MIER2: variants seen among roughly 807,000 people sequenced by gnomAD.
The protein encoded by MIER2 is MIER family member 2.
In MIER2, 30 loss-of-function variants were observed where a neutral mutation model predicts 67.6. The observed-to-expected ratio is 0.44, with a 90% CI of 0.33 to 0.60. The LOEUF (loss-of-function observed/expected upper bound fraction) is 0.60, where lower values mean the gene tolerates loss of function less well. Ranked by LOEUF, MIER2 falls within the 20% of genes least tolerant of loss-of-function variation. MIER2 has a pLI of 0.02. For synonymous variants in MIER2, 372 were observed against 312.6 expected, an observed-to-expected ratio of 1.19 and a Z score of -2.00; for missense variants, 702 against 745.1, an observed-to-expected ratio of 0.94 and a Z score of 0.67.
chr19:336,143 C>T lies in MIER2; in HGVS notation c.40G>A (p.Val14Met), dbSNP rs1487011872. Reference protein sequence around the residue: ...ASSLGRQSPRVVSCLEHSLCP... With the variant: ...ASSLGRQSPRMVSCLEHSLCP... Reference sequence around the variant, plus strand: ...AGGCTGTGCTCGAGGCAGGAGACCACGCGAGGACTCTGCCTCCCCAGCGAG... The same window carrying T: ...AGGCTGTGCTCGAGGCAGGAGACCATGCGAGGACTCTGCCTCCCCAGCGAG... Residue 14 changes from valine to methionine, a missense_variant, in exon 2 of 14, where the codon GTG (valine) becomes ATG (methionine). Coordinates refer to ENST00000264819, the MANE Select transcript of MIER2 (RefSeq NM_017550.3). 6.8e-6 allele frequency: 11 copies of T among 1,613,424 alleles called. No individual in the cohort carries two copies. The highest frequency in any genetic ancestry group is 1.7e-5 in the Admixed American group (1 of 60,004).
Position 320,852 on chromosome 19 carries a change from G to A in MIER2, c.655+4783C>T, listed in dbSNP as rs117038033. 7.9e-3 allele frequency among the ~76,000 whole-genome samples: 1,208 copies of A among 152,316 alleles called. 9 individuals are homozygous for A. The highest frequency in any genetic ancestry group is 0.013 in the Non-Finnish European group (863 of 68,024). ...GTGGATTCACTAACACTGAACTCAC[G>A]GCCAGCAGCCCCAGAGCTTGCGCCT... On this transcript the variant is annotated intron_variant, in intron 7 of 13. Coordinates refer to ENST00000264819, the MANE Select transcript of MIER2 (RefSeq NM_017550.3).
intron 7 of MIER2, among the ~76,000 whole-genome samples, chr19:320,376 T>C (rs2145425401): frequency 6.6e-6 from 1 of 151,072 alleles, no homozygotes; most frequent in Non-Finnish European, 1.5e-5. Context: ...CAAGACTTTG[T>C]CCAAAAAACT....
intron 3 of MIER2, 119 bp downstream of exon 3, chr19:334,281 T>C (rs1600167448): frequency 1.8e-5 from 26 of 1,433,678 alleles, no homozygotes; most frequent in South Asian, 9.1e-5. Flanking sequence ...ATCTGGCACT[T>C]TGCAAAAAGA....
intron 7 of MIER2, among the ~76,000 whole-genome samples, chr19:321,877 AC>A (rs1220571795): frequency 5.9e-5 from 9 of 151,846 alleles, no homozygotes; most frequent in Admixed American, 3.9e-4. Context: ...GAGACAATGG[AC>A]TTTTGTTGTT....
chr19:338,779 A>C (rs1185674749), intron 1 of MIER2, among the ~76,000 whole-genome samples: 2 of 152,198 alleles, frequency 1.3e-5, no homozygotes, highest in Non-Finnish European at 2.9e-5. Context: ...GATTTCCACA[A>C]AGGTATCAAA....
intron 7 of MIER2, among the ~76,000 whole-genome samples, chr19:314,522 CT>C (rs1184010033): frequency 6.6e-6 from 1 of 152,174 alleles, no homozygotes; most frequent in East Asian, 1.9e-4. Flanking sequence ...GAAAAACGCA[CT>C]GGGGAAAACA....
intron 4 of MIER2, 90 bp downstream of exon 4, chr19:327,774 C>A: frequency 6.5e-7 from 1 of 1,544,562 alleles, no homozygotes; most frequent in Non-Finnish European, 8.7e-7. Flanking sequence ...TTTGTGCCTC[C>A]TCTCACTGAA....
intron 7 of MIER2, among the ~76,000 whole-genome samples, chr19:315,320 G>A (rs190090414): frequency 2.3e-3 from 351 of 152,296 alleles, no homozygotes; most frequent in African/African-American, 7.5e-3. Context: ...AGCCAAGATC[G>A]CGCCACTGCA....
At chr19:311,154 G>A (rs1000457088) in intron 10 of MIER2, among the ~76,000 whole-genome samples, 3 of 152,248 alleles carry the variant, frequency 2.0e-5, no homozygotes, top group Admixed American at 2.0e-4. Flanking sequence ...TCGGCAACAA[G>A]GCCACAGCCC....
rs1233934281 is a variant in MIER2 at position 308,718 on chromosome 19, C to T, written c.1110-53G>A. The T allele has an allele frequency of 6.3e-7, 1 of 1,594,668 alleles. No homozygotes were observed. The highest frequency in any genetic ancestry group is 8.6e-7 in the Non-Finnish European group (1 of 1,169,252). On this transcript the variant is annotated intron_variant, in intron 11 of 13. Transcript: ENST00000264819. The surrounding 1 kb of genome is among the most constrained non-coding windows in gnomAD (Gnocchi z 9.1). ...GGCAGACAGGACAGACGCCCCCACCCAAGAGGTGCCGCCCAGGCGCCCACG... is the reference window on the plus strand; with the variant it reads ...GGCAGACAGGACAGACGCCCCCACCTAAGAGGTGCCGCCCAGGCGCCCACG...
intron 7 of MIER2, among the ~76,000 whole-genome samples, chr19:316,542 G>T (rs566676534): frequency 2.6e-5 from 4 of 152,110 alleles, no homozygotes; most frequent in Non-Finnish European, 4.4e-5. Context: ...TGCCTGCCTC[G>T]GCCTCCCAAA....
chr19:335,455 G>A (rs1972200517), intron 2 of MIER2, among the ~76,000 whole-genome samples: 1 of 152,242 alleles, frequency 6.6e-6, no homozygotes, highest in Admixed American at 6.5e-5. Context: ...CGCACCCTTG[G>A]AGGAGCCACG....
At chr19:311,782 C>G in intron 10 of MIER2, 63 bp downstream of exon 10, 1 of 1,524,158 alleles carries the variant, frequency 6.6e-7, no homozygotes. Context: ...TGTGTGCCTG[C>G]GGACCCTGAG....
At chr19:333,953 A>G (rs1316350994) in intron 3 of MIER2, among the ~76,000 whole-genome samples, 1 of 152,022 alleles carries the variant, frequency 6.6e-6, no homozygotes, top group Non-Finnish European at 1.5e-5. Flanking sequence ...CGGCCTCCCA[A>G]AGTGCTGGGA....
chr19:308,741 ACGTGCCCAC>A lies in MIER2; in HGVS notation c.1109+51_1109+59del. ...CCCAAGAGGTGCCGCCCAGGCGCCC[ACGTGCCCAC>A]CCCCGGCGGGGTGGCCGCCTGTCGT... On this transcript the variant is annotated intron_variant, in intron 11 of 13. Transcript: ENST00000264819. This position sits in a 1 kb window ranked among gnomAD's most constrained non-coding sequence, Gnocchi z 9.1. 6.3e-7 allele frequency: 1 copy of A among 1,593,658 alleles called. No homozygotes were observed.
chr19:326,326 C>T (rs77040767), intron 6 of MIER2, among the ~76,000 whole-genome samples, 181 bp downstream of exon 6: 1 of 105,910 alleles, frequency 9.4e-6, no homozygotes. Flanking sequence ...GAGCCACGGC[C>T]GGGATGCCAG....
At chr19:314,166 T>TA (rs1213596987) in intron 7 of MIER2, among the ~76,000 whole-genome samples, 1 of 152,132 alleles carries the variant, frequency 6.6e-6, no homozygotes, top group African/African-American at 2.4e-5. Context: ...CCCCCACAGT[T>TA]AGGCACTGTC....
intron 10 of MIER2, 91 bp from the exon 11 acceptor site, chr19:309,016 C>T: frequency 6.6e-7 from 1 of 1,524,104 alleles, no homozygotes; most frequent in Non-Finnish European, 8.8e-7. Context: ...GACCCCGGGA[C>T]AGCACAGAAG....
intron 8 of MIER2, 96 bp downstream of exon 8, chr19:313,396 T>C: frequency 1.3e-6 from 2 of 1,528,648 alleles, no homozygotes; most frequent in Non-Finnish European, 1.8e-6. Flanking sequence ...TGCCCTCCCC[T>C]CTGCCCTCCC....
Sources: allele counts gnomAD v4.1 joint callset (sites outside exome capture counted in the v4.1 genomes callset), GRCh38; gene constraint gnomAD v4.1.1; non-coding constraint Gnocchi (gnomAD v3.1); transcripts MANE v1.5; gene names NCBI Gene and HGNC (gene_info 2026-07-23, HGNC 2026-07-21).